CEP112: variants seen among roughly 807,000 people sequenced by gnomAD.
CEP112 encodes the protein centrosomal protein of 112 kDa.
CEP112 carries 127 observed loss-of-function variants against 153.0 expected under a neutral mutation model. The ratio of observed to expected loss-of-function variants is 0.83; its 90% CI spans 0.72 to 0.96. The LOEUF is 0.96. Among genes scored for constraint, CEP112 ranks in the 40% least tolerant of loss-of-function variants. CEP112 has a pLI of 0.00. For missense variants in CEP112, 1,089 were observed against 1,101.2 expected (o/e 0.99, Z 0.16); for synonymous variants, 358 against 374.4 (o/e 0.96, Z 0.51).
At chr17:66,140,680 T>C (rs1373223656) in intron 4 of CEP112, among the ~76,000 whole-genome samples, 1 of 152,224 alleles carries the variant, frequency 6.6e-6, no homozygotes, top group African/African-American at 2.4e-5. Flanking sequence ...TTTGCTCTTG[T>C]TGCCAAGGCT....
intron 21 of CEP112, among the ~76,000 whole-genome samples, chr17:65,761,917 G>A (rs1359677623): frequency 6.6e-6 from 1 of 152,074 alleles, no homozygotes; most frequent in Non-Finnish European, 1.5e-5. Context: ...TTGATTGATG[G>A]TGTTGTTGAA....
intron 18 of CEP112, among the ~76,000 whole-genome samples, chr17:65,943,304 T>G (rs758333115): frequency 6.6e-6 from 1 of 152,216 alleles, no homozygotes; most frequent in Non-Finnish European, 1.5e-5. Flanking sequence ...CTTATATGTA[T>G]GTTAGTGTGG....
chr17:65,712,823 G>A (rs2049273343), intron 23 of CEP112, among the ~76,000 whole-genome samples: 2 of 152,062 alleles, frequency 1.3e-5, no homozygotes, highest in Admixed American at 6.5e-5. Context: ...GGTGCTGTGG[G>A]CGATACTCAA....
At chr17:66,127,809 C>T (rs2069921619) in intron 6 of CEP112, among the ~76,000 whole-genome samples, 1 of 152,226 alleles carries the variant, frequency 6.6e-6, no homozygotes, top group South Asian at 2.1e-4. Flanking sequence ...AAATTAAAAC[C>T]TTTAAAATGG....
At chr17:66,179,149 T>C (rs1660977557) in intron 2 of CEP112, among the ~76,000 whole-genome samples, 1 of 152,172 alleles carries the variant, frequency 6.6e-6, no homozygotes, top group Non-Finnish European at 1.5e-5. Context: ...TTATTATTTT[T>C]GCTCAGGATA....
intron 21 of CEP112, among the ~76,000 whole-genome samples, chr17:65,780,239 G>T (rs2053923802): frequency 6.6e-6 from 1 of 152,046 alleles, no homozygotes; most frequent in Non-Finnish European, 1.5e-5. Flanking sequence ...GATCACATAA[G>T]ATTTACATGC....
chr17:65,883,257 A>C (rs1003705091), intron 20 of CEP112, among the ~76,000 whole-genome samples: 3 of 131,006 alleles, frequency 2.3e-5, no homozygotes, highest in African/African-American at 8.1e-5. Context: ...CATGCTAAGA[A>C]GTTTACATAT....
intron 8 of CEP112, among the ~76,000 whole-genome samples, chr17:66,094,210 C>T (rs2068248727): frequency 6.6e-6 from 1 of 152,062 alleles, no homozygotes; most frequent in Non-Finnish European, 1.5e-5. Context: ...CAGGCATGCC[C>T]TACCACACCC....
intron 6 of CEP112, among the ~76,000 whole-genome samples, chr17:66,101,795 A>G (rs886891606): frequency 1.2e-4 from 19 of 152,074 alleles, no homozygotes; most frequent in Non-Finnish European, 2.6e-4. Flanking sequence ...TTTTTAAATA[A>G]TGTTAATTCT....
At chr17:65,987,375 C>T (rs1400907421) in intron 17 of CEP112, among the ~76,000 whole-genome samples, 1 of 151,224 alleles carries the variant, frequency 6.6e-6, no homozygotes, top group Non-Finnish European at 1.5e-5. Flanking sequence ...ACAAAAACAA[C>T]ACATGAAAAT....
Position 66,116,266 on chromosome 17 carries a change from A to AT in CEP112, c.642+13479dup, listed in dbSNP as rs368767567. Among the ~76,000 whole-genome samples the AT allele has an allele frequency of 9.9e-4, 149 of 151,152 alleles. 1 individual carries two copies. Among genetic ancestry groups the AT allele is most frequent in the Non-Finnish European group, 1.7e-3 (115 of 67,736 alleles). ...TTATGATCTCTTTTCAACAATTAAC[A>AT]TTTTTTTTTGTCCTCTTGTTTCTAG... On this transcript the variant is annotated intron_variant, in intron 6 of 26. Transcript: ENST00000535342.
At chr17:66,165,944 G>C (rs2071935299) in intron 4 of CEP112, among the ~76,000 whole-genome samples, 1 of 152,028 alleles carries the variant, frequency 6.6e-6, no homozygotes, top group African/African-American at 2.4e-5. Context: ...AATAACCCAT[G>C]GCAAAATCTC....
At chr17:65,937,981 G>A (rs2061400595) in intron 18 of CEP112, among the ~76,000 whole-genome samples, 1 of 121,470 alleles carries the variant, frequency 8.2e-6, no homozygotes, top group Non-Finnish European at 1.7e-5. Context: ...AGAAAGGGGG[G>A]AAAGGTGGGG....
chr17:65,798,743 GTTAA>G (rs1568030483), intron 21 of CEP112, among the ~76,000 whole-genome samples: 7 of 152,178 alleles, frequency 4.6e-5, no homozygotes, highest in African/African-American at 1.7e-4. Flanking sequence ...AAAGGTTATA[GTTAA>G]TTGCTTTAGA....
intron 21 of CEP112, among the ~76,000 whole-genome samples, chr17:65,793,283 G>C (rs2054705023): frequency 1.3e-5 from 2 of 152,120 alleles, no homozygotes; most frequent in South Asian, 4.1e-4. Flanking sequence ...GGAGCTGAAT[G>C]ATGAGAACAC....
At chr17:65,772,575 T>TAC (rs34758953) in intron 21 of CEP112, among the ~76,000 whole-genome samples, 4,865 of 133,404 alleles carry the variant, frequency 0.036, 96 homozygotes, top group East Asian at 0.07. Context: ...CTCTATTTAT[T>TAC]ACACACACAC....
intron 16 of CEP112, among the ~76,000 whole-genome samples, chr17:66,025,680 A>C (rs2065171096): frequency 6.6e-6 from 1 of 152,106 alleles, no homozygotes; most frequent in Non-Finnish European, 1.5e-5. Context: ...CAGAGAAAGG[A>C]AACACTAACA....
At chr17:65,642,832 A>G (rs986743959) in intron 24 of CEP112, among the ~76,000 whole-genome samples, 2 of 152,236 alleles carry the variant, frequency 1.3e-5, no homozygotes, top group African/African-American at 4.8e-5. Flanking sequence ...TTTTTTTTCT[A>G]TCACTCAACA....
At chr17:65,871,516 T>A (rs886258814) in intron 20 of CEP112, among the ~76,000 whole-genome samples, 1 of 152,078 alleles carries the variant, frequency 6.6e-6, no homozygotes, top group Non-Finnish European at 1.5e-5. Flanking sequence ...GCGCCTATAG[T>A]CCCAGCTACT....
Sources: allele counts gnomAD v4.1 joint callset (sites outside exome capture counted in the v4.1 genomes callset), GRCh38; gene constraint gnomAD v4.1.1; transcripts MANE v1.5; gene names NCBI Gene and HGNC (gene_info 2026-07-23, HGNC 2026-07-21).